Variants in CLCNKA observed in about 807,000 individuals in gnomAD.
The protein encoded by CLCNKA is chloride voltage-gated channel Ka.
In CLCNKA, 66 loss-of-function variants were observed where a neutral mutation model predicts 83.3. That is an observed-to-expected ratio of 0.79 (90% CI 0.65 to 0.97). The LOEUF is 0.97. Among genes scored for constraint, CLCNKA ranks in the 50% least tolerant of loss-of-function variants. The probability of loss-of-function intolerance (pLI) is 0.00; values close to 1 mark genes in which losing one functional copy is unlikely to be tolerated. For synonymous variants in CLCNKA, 357 were observed against 370.4 expected (o/e 0.96, Z 0.42); for missense variants, 806 against 888.7 (o/e 0.91, Z 1.18).
chr1:16,030,060 G>A lies in CLCNKA; in HGVS notation c.1393G>A (p.Gly465Arg), dbSNP rs752227933. Residue 465 changes from glycine (G) to arginine (R), a missense_variant, in exon 14 of 20, where the codon GGG becomes AGG. Transcript: ENST00000331433. ...GGVTNPIMPG[G>R]YALAGAAAFS... ...GGTTACCAATCCCATCATGCCCGGG[G>A]GGTATGCTCTGGCAGGTGAGTGGGT... is the stretch of plus-strand genomic sequence containing the variant. 28 of 1,607,428 alleles carry A rather than the reference G, an allele frequency of 1.7e-5. No homozygotes were observed. The African/African-American group carries it at 2.3e-4, about 13-fold the overall frequency.
rs774882770 is a variant in CLCNKA, at chr1:16,029,276, C to T, written c.1204C>T (p.Leu402Phe). ...YHPRFTIFGT[L>F]AFFLVMKFWM... ...CCCGCGGTTCACCATCTTTGGGACC[C>T]TTGCCTTCTTCCTGGTTATGAAGGT... The change falls in exon 12 of 20, where the codon CTT becomes TTT. Residue 402 changes from leucine to phenylalanine, a missense_variant. Physicochemically the swap from Leu to Phe is conservative, Grantham distance 22. Coordinates refer to ENST00000331433, the MANE Select transcript of CLCNKA (RefSeq NM_004070.4). 6.2e-7 allele frequency: 1 copy of T among 1,613,932 alleles called. No individual in the cohort carries two copies. The highest frequency in any genetic ancestry group is 8.5e-7 in the Non-Finnish European group (1 of 1,180,006).
At chr1:16,027,279 G>A (rs2124035584) in intron 7 of CLCNKA, 31 bp from the exon 8 acceptor site, 3 of 1,612,036 alleles carry the variant, frequency 1.9e-6, no homozygotes, top group East Asian at 2.2e-5. Context: ...GGTGGGGGTG[G>A]GGGCCCACCT....
chr1:16,028,235 C>T (rs2022457077), intron 10 of CLCNKA, 116 bp downstream of exon 10: 8 of 952,844 alleles, frequency 8.4e-6, no homozygotes, highest in South Asian at 2.7e-5. Context: ...CTCCCTAGCC[C>T]GTGGAGCATC....
intron 19 of CLCNKA, 130 bp downstream of exon 19, chr1:16,033,386 C>T: frequency 8.5e-7 from 1 of 1,178,106 alleles, no homozygotes; most frequent in Non-Finnish European, 1.2e-6. Flanking sequence ...CTTATGAGTC[C>T]CTCTTTCTGG....
chr1:16,033,074 C>T lies in CLCNKA; in HGVS notation c.1930-96C>T, dbSNP rs890147480. 19 of 1,309,270 alleles carry T rather than the reference C, an allele frequency of 1.5e-5. No individual in the cohort carries two copies. In the African/African-American group the frequency reaches 2.3e-4, roughly 16 times the overall value. 81.1% of individuals were successfully genotyped at this position (1,309,270 alleles called of 1,614,324 possible). On this transcript the variant is annotated intron_variant, in intron 18 of 19. Transcript: ENST00000331433. ...GTTGCCTCCCACACATATCAGGCCC[C>T]GCCCCTCTTCCTGGCTCAGAGGCGT... is the stretch of plus-strand genomic sequence containing the variant.
At position 16,026,461 on chromosome 1, in the gene CLCNKA, T is replaced by G. The variant is rs112900744; in HGVS notation, c.499-75T>G. Reference sequence around the variant, plus strand: ...GGTTGGGGAGATGGAGGAGGGGGTGTGGTGGGGAAGCCGTGCTGCCTCGGG... The same window carrying G: ...GGTTGGGGAGATGGAGGAGGGGGTGGGGTGGGGAAGCCGTGCTGCCTCGGG... On this transcript the variant is annotated intron_variant, in intron 5 of 19. Transcript: ENST00000331433. 2.4e-5 allele frequency: 38 copies of G among 1,587,890 alleles called. 1 individual carries two copies. In the African/African-American group the frequency reaches 4.3e-4, roughly 18 times the overall value.
chr1:16,022,594 C>G lies in CLCNKA; in HGVS notation c.-7-19C>G, dbSNP rs372725943. On this transcript the variant is annotated intron_variant, in intron 1 of 19. Transcript: ENST00000331433. ...GTGCAGCAGCTCACCCGGGTCCTTCCCTCCATCTGCTTCTCCAGGGGCCTG... is the reference window on the plus strand; with the variant it reads ...GTGCAGCAGCTCACCCGGGTCCTTCGCTCCATCTGCTTCTCCAGGGGCCTG... The G allele has an allele frequency of 6.5e-7, 1 of 1,538,078 alleles. No individual in the cohort carries two copies. The highest frequency in any genetic ancestry group is 1.2e-5 in the South Asian group (1 of 82,390).
rs776879396 is a variant in CLCNKA, at chr1:16,024,821, G to T, written c.288G>T (p.Trp96Cys). ...GCCACCTGCTCCGGTATCTTTCCTG[G>T]ACTGTGTACCCTGTGGCCCTCGTCT... ...GDSHLLRYLS[W>C]TVYPVALVSF... Residue 96 changes from tryptophan to cysteine, a missense_variant, in exon 4 of 20, where the codon TGG (tryptophan) becomes TGT (cysteine). Coordinates refer to ENST00000331433, the MANE Select transcript of CLCNKA (RefSeq NM_004070.4). 1.2e-6 allele frequency: 2 copies of T among 1,614,150 alleles called. No homozygotes were observed. The highest frequency in any genetic ancestry group is 1.7e-5 in the Admixed American group (1 of 60,002).
chr1:16,027,536 T>G (rs984920837), intron 8 of CLCNKA, 101 bp downstream of exon 8: 1 of 1,554,422 alleles, frequency 6.4e-7, no homozygotes, highest in Admixed American at 1.9e-5. Context: ...CCCTTCCCTC[T>G]CTCTCCCTCT....
At chr1:16,031,583 C>A in intron 15 of CLCNKA, 127 bp from the exon 16 acceptor site, 1 of 1,391,738 alleles carries the variant, frequency 7.2e-7, no homozygotes, top group Non-Finnish European at 1.0e-6. Context: ...CCAGGAACCT[C>A]TCCAGCCCTG....
At chr1:16,025,378 G>C (rs879307315) in intron 4 of CLCNKA, among the ~76,000 whole-genome samples, 1 of 152,216 alleles carries the variant, frequency 6.6e-6, no homozygotes, top group Non-Finnish European at 1.5e-5. Context: ...AGGGTTCTGC[G>C]TGATCATAAT....
rs1231736603 is a variant in CLCNKA, at chr1:16,030,576, C to T, written c.1524C>T (p.Ala508=). ...ALPVLMAVLA[A]NAIAQSCQPS... Reference sequence around the variant, plus strand: ...CCGTGCTGATGGCGGTGCTGGCAGCCAACGCCATTGCACAGAGCTGCCAGC... The same window carrying T: ...CCGTGCTGATGGCGGTGCTGGCAGCTAACGCCATTGCACAGAGCTGCCAGC... The change falls in exon 15 of 20, where the codon GCC becomes GCT. Residue 508 remains alanine, a synonymous_variant. Coordinates refer to ENST00000331433, the MANE Select transcript of CLCNKA (RefSeq NM_004070.4). 1 of 1,612,942 alleles carries T rather than the reference C, an allele frequency of 6.2e-7. No homozygotes were observed. Among genetic ancestry groups the T allele is most frequent in the Non-Finnish European group, 8.5e-7 (1 of 1,180,044 alleles).
intron 2 of CLCNKA, among the ~76,000 whole-genome samples, 194 bp downstream of exon 2, chr1:16,022,913 C>T (rs1314382107): frequency 6.6e-6 from 1 of 152,242 alleles, no homozygotes; most frequent in Non-Finnish European, 1.5e-5. Flanking sequence ...ATGGGCCAGG[C>T]ATCTGCCCTC....
At position 16,024,947 on chromosome 1, in the gene CLCNKA, G is replaced by A. The variant is rs78771248; in HGVS notation, c.358+56G>A. The A allele has an allele frequency of 8.5e-4, 1,368 of 1,608,922 alleles. 16 individuals carry two copies. In the African/African-American group the frequency reaches 0.016, roughly 19 times the overall value. On this transcript the variant is annotated intron_variant, in intron 4 of 19. Transcript: ENST00000331433. ...GTGCCAAAACCTTCTCAGATCCCAGGGGGCTTCTGATGGGGGGAATCGGGA... is the reference window on the plus strand; with the variant it reads ...GTGCCAAAACCTTCTCAGATCCCAGAGGGCTTCTGATGGGGGGAATCGGGA...
chr1:16,030,445 G>T lies in CLCNKA; in HGVS notation c.1409-16G>T, dbSNP rs1199178073. The stretch of plus-strand genomic sequence containing the variant: ...CCTCCTGGCCTGAGCCGACCTGTGT[G>T]GCTCTGCCCCGGCAGGGGCTGCAGC... On this transcript the variant is annotated splice_polypyrimidine_tract_variant and intron_variant, in intron 14 of 19. Transcript: ENST00000331433. 6.2e-7 allele frequency: 1 copy of T among 1,612,088 alleles called. No individual in the cohort carries two copies. Among genetic ancestry groups the T allele is most frequent in the African/African-American group, 1.3e-5 (1 of 74,930 alleles).
In CLCNKA at chr1:16,023,922, G is replaced by T. The variant is rs200509489; in HGVS notation, c.223G>T (p.Val75Phe). ...CATGAACTTTGCCATCGGGTGTGTG[G>T]TCCGAGGTAACTCTTCCCTGGCAGG... is the stretch of plus-strand genomic sequence containing the variant. The part of the protein sequence containing the change: ...YAMNFAIGCV[V>F]RAHQWLYREI... Residue 75 changes from valine (V) to phenylalanine (F), a missense_variant, in exon 3 of 20, where the codon GTC (valine) becomes TTC (phenylalanine). Transcript: ENST00000331433. 1,277 of 1,614,092 alleles carry T rather than the reference G, an allele frequency of 7.9e-4. 21 individuals are homozygous for T. In the South Asian group the frequency reaches 0.012, roughly 15 times the overall value.
chr1:16,024,728 C>A, intron 3 of CLCNKA, 35 bp from the exon 4 acceptor site: 1 of 1,613,078 alleles, frequency 6.2e-7, no homozygotes, highest in Non-Finnish European at 8.5e-7. Context: ...GCTGCAGAGG[C>A]TGTGGGTGCC....
chr1:16,028,232 G>T lies in CLCNKA; in HGVS notation c.968+113G>T, dbSNP rs961889506. 14 of 978,136 alleles carry T rather than the reference G, an allele frequency of 1.4e-5. No homozygotes were observed. In the African/African-American group the frequency reaches 1.6e-4, roughly 11 times the overall value. 60.6% of individuals were successfully genotyped at this position (978,136 alleles called of 1,614,324 possible). ...CACTGAGCCCCTAAATCCCTCCCTA[G>T]CCCGTGGAGCATCTAACAACCCTCT... On this transcript the variant is annotated intron_variant, in intron 10 of 19. Coordinates refer to ENST00000331433, the MANE Select transcript of CLCNKA (RefSeq NM_004070.4).
chr1:16,028,169 C>T, intron 10 of CLCNKA, 50 bp downstream of exon 10: 1 of 1,544,716 alleles, frequency 6.5e-7, no homozygotes, highest in South Asian at 1.1e-5. Flanking sequence ...CCCTTGTGGA[C>T]TCCAGACCTT....
Sources: gnomAD v4.1 joint callset for allele counts (sites outside exome capture counted in the v4.1 genomes callset) on GRCh38, gnomAD v4.1.1 for gene constraint, MANE v1.5 for transcripts, NCBI Gene and HGNC (gene_info 2026-07-23, HGNC 2026-07-21) for gene names.